LOXL2: variants seen among roughly 807,000 people sequenced by gnomAD.
The protein encoded by LOXL2 is lysyl oxidase like 2, also known as lysyl oxidase homolog 2.
LOXL2 carries 70 observed loss-of-function variants against 93.0 expected under a neutral mutation model. The observed-to-expected ratio is 0.75, with a 90% CI of 0.62 to 0.92. The LOEUF (loss-of-function observed/expected upper bound fraction) is 0.92. Among genes scored for constraint, LOXL2 ranks in the 40% least tolerant of loss-of-function variants. LOXL2 has a pLI of 0.00. For missense variants in LOXL2, 973 were observed against 1,054.9 expected (o/e 0.92, Z 1.08); for synonymous variants, 438 against 413.2 (o/e 1.06, Z -0.73).
intron 6 of LOXL2, among the ~76,000 whole-genome samples, chr8:23,325,574 G>A (rs1329563504): frequency 6.6e-6 from 1 of 152,218 alleles, no homozygotes; most frequent in Non-Finnish European, 1.5e-5. Flanking sequence ...TTACAGGCGT[G>A]AGTCCTGTTC....
At chr8:23,302,329 T>C (rs1255411872) in intron 11 of LOXL2, among the ~76,000 whole-genome samples, 166 bp from the exon 12 acceptor site, 1 of 152,002 alleles carries the variant, frequency 6.6e-6, no homozygotes. Context: ...CCCCACTCAA[T>C]TCCCTACCCA....
At chr8:23,322,384 G>A in intron 6 of LOXL2, 103 bp from the exon 7 acceptor site, 1 of 980,548 alleles carries the variant, frequency 1.0e-6, no homozygotes, top group South Asian at 1.6e-5. Flanking sequence ...CCCATCCTCA[G>A]AACTCTCCCC....
intron 10 of LOXL2, among the ~76,000 whole-genome samples, chr8:23,306,412 A>G (rs1459124680): frequency 6.6e-6 from 1 of 152,230 alleles, no homozygotes; most frequent in African/African-American, 2.4e-5. Context: ...TTCAGAAAAC[A>G]GTGGGGATGT....
At chr8:23,310,008 A>G (rs984196363) in intron 9 of LOXL2, 97 bp from the exon 10 acceptor site, 28 of 1,313,636 alleles carry the variant, frequency 2.1e-5, no homozygotes, top group African/African-American at 1.1e-4. Flanking sequence ...TCTCCTGCCT[A>G]CCGCCACCTT....
intron 1 of LOXL2, among the ~76,000 whole-genome samples, chr8:23,379,657 CCT>C: frequency 7.3e-6 from 1 of 136,228 alleles, no homozygotes; most frequent in Non-Finnish European, 1.6e-5. Flanking sequence ...CCCCCAGCCG[CCT>C]TGCTGCCTCC....
Position 23,328,579 on chromosome 8 carries a change from C to T in LOXL2, c.967-14G>A, listed in dbSNP as rs143725280. Reference sequence around the variant, plus strand: ...CACCAGGGGTTGCTGAAGAGACACACGGTCCTGCTGAGTACAGACGCTGAT... The same window carrying T: ...CACCAGGGGTTGCTGAAGAGACACATGGTCCTGCTGAGTACAGACGCTGAT... On this transcript the variant is annotated splice_polypyrimidine_tract_variant and intron_variant, in intron 5 of 13. Transcript: ENST00000389131. 1.4e-4 allele frequency: 229 copies of T among 1,613,038 alleles called. 1 individual carries two copies. The African/African-American group carries it at 2.5e-3, about 18-fold the overall frequency.
In LOXL2 at chr8:23,328,556, C is replaced by CCAGGGG; in HGVS notation, c.970_975dup (p.Pro324_Leu325dup). On this transcript the variant is annotated inframe_insertion, in exon 6 of 14. Coordinates refer to ENST00000389131, the MANE Select transcript of LOXL2 (RefSeq NM_002318.3). Reference sequence around the variant, plus strand: ...ATGTAGGCACCGCCTCTCAGTCGCACCAGGGGTTGCTGAAGAGACACACGG... The same window carrying CCAGGGG: ...ATGTAGGCACCGCCTCTCAGTCGCACCAGGGGCAGGGGTTGCTGAAGAGACACACGG... The CCAGGGG allele has an allele frequency of 6.2e-7, 1 of 1,613,890 alleles. No individual in the cohort carries two copies.
At chr8:23,356,452 A>T (rs903422763) in intron 3 of LOXL2, among the ~76,000 whole-genome samples, 1 of 152,230 alleles carries the variant, frequency 6.6e-6, no homozygotes. Flanking sequence ...TATCCCACGT[A>T]GGTGGTCCAG....
intron 6 of LOXL2, among the ~76,000 whole-genome samples, chr8:23,325,720 G>A (rs772007175): frequency 1.3e-5 from 2 of 152,310 alleles, no homozygotes; most frequent in Middle Eastern, 3.4e-3. Flanking sequence ...GCATGCTGGC[G>A]GACTCGGCAC....
intron 12 of LOXL2, among the ~76,000 whole-genome samples, chr8:23,299,887 G>A (rs1313860631): frequency 6.6e-6 from 1 of 152,240 alleles, no homozygotes; most frequent in African/African-American, 2.4e-5. Context: ...AGGCCAGCCT[G>A]GCAGCCGGCC....
At chr8:23,380,391 CAA>C (rs1219621037) in intron 1 of LOXL2, among the ~76,000 whole-genome samples, 2 of 54,406 alleles carry the variant, frequency 3.7e-5, no homozygotes, top group Non-Finnish European at 3.3e-5. Context: ...GACTCCGTCT[CAA>C]AAAAAAAAAA....
chr8:23,403,929 G>T (rs1286664483), intron 1 of LOXL2, 25 bp downstream of exon 1: 2 of 158,982 alleles, frequency 1.3e-5, no homozygotes, highest in Non-Finnish European at 2.8e-5. Context: ...CTTCGGGGAG[G>T]GGGTGGCGCG....
chr8:23,399,392 G>A (rs11781808), intron 1 of LOXL2, among the ~76,000 whole-genome samples: 26,874 of 152,186 alleles, frequency 0.18, 2,444 homozygotes, highest in East Asian at 0.31. Flanking sequence ...GTTTTGAGAG[G>A]TGGGGCCTTT....
chr8:23,397,386 C>T (rs1800104089), intron 1 of LOXL2, among the ~76,000 whole-genome samples: 1 of 152,132 alleles, frequency 6.6e-6, no homozygotes, highest in Non-Finnish European at 1.5e-5. Context: ...CCACAATAAA[C>T]ACAAAAGCAA....
chr8:23,340,893 T>C, intron 4 of LOXL2, 99 bp downstream of exon 4: 2 of 1,133,190 alleles, frequency 1.8e-6, no homozygotes. Flanking sequence ...TGCCTGGCCA[T>C]GCCTGGCCAA....
intron 10 of LOXL2, among the ~76,000 whole-genome samples, chr8:23,307,419 C>T (rs1158277381): frequency 6.6e-6 from 1 of 152,172 alleles, no homozygotes; most frequent in Non-Finnish European, 1.5e-5. Flanking sequence ...ACTAGAACAT[C>T]TGTAAACAAA....
intron 12 of LOXL2, 93 bp from the exon 13 acceptor site, chr8:23,299,040 G>T (rs1803084500): frequency 2.6e-6 from 2 of 759,536 alleles, no homozygotes; most frequent in Non-Finnish European, 4.7e-6. Context: ...CCTCAGGGAA[G>T]GGGAGCGTGG....
Position 23,303,295 on chromosome 8 carries a change from T to G in LOXL2, c.1983A>C (p.Thr661=). ...GHKASFCLED[T]ECEGDIQKNY... ...CCGCTCAGATACCTCCTTCACATTC[T>G]GTGTCCTCCAAGCAGAAGCTGGCCT... Residue 661 remains threonine (T), a synonymous_variant, in exon 11 of 14, where the codon ACA becomes ACC. Coordinates refer to ENST00000389131, the MANE Select transcript of LOXL2 (RefSeq NM_002318.3). The G allele has an allele frequency of 6.2e-7, 1 of 1,611,402 alleles. No individual in the cohort carries two copies. Among genetic ancestry groups the G allele is most frequent in the Non-Finnish European group, 8.5e-7 (1 of 1,177,876 alleles).
At chr8:23,333,752 C>T (rs2117173400) in intron 4 of LOXL2, 129 bp from the exon 5 acceptor site, 1 of 700,240 alleles carries the variant, frequency 1.4e-6, no homozygotes, top group Non-Finnish European at 2.4e-6. Flanking sequence ...CAGAGGGTCC[C>T]AGCTCAGTCC....
Sources: gnomAD v4.1 joint callset for allele counts (sites outside exome capture counted in the v4.1 genomes callset) on GRCh38, gnomAD v4.1.1 for gene constraint, MANE v1.5 for transcripts, NCBI Gene and HGNC (gene_info 2026-07-23, HGNC 2026-07-21) for gene names.